Variants in STAT3 observed in about 807,000 individuals in gnomAD.
STAT3 encodes the protein signal transducer and activator of transcription 3.
STAT3 carries 7 observed loss-of-function variants against 114.3 expected under a neutral mutation model. The ratio of observed to expected loss-of-function variants is 0.06; its 90% CI spans 0.03 to 0.11. The LOEUF is 0.11. Among genes scored for constraint, STAT3 ranks in the 10% least tolerant of loss-of-function variants. STAT3 has a pLI of 1.00. For missense variants in STAT3, 364 were observed against 960.9 expected (o/e 0.38, Z 8.21); for synonymous variants, 331 against 354.5 (o/e 0.93, Z 0.74).
chr17:42,340,828 G>T (rs909625441), intron 4 of STAT3, among the ~76,000 whole-genome samples: 1 of 152,100 alleles, frequency 6.6e-6, no homozygotes, highest in African/African-American at 2.4e-5. Flanking sequence ...ACCTAAGCTG[G>T]TGCCTCCCTC....
At chr17:42,370,312 C>T (rs1277181447) in intron 1 of STAT3, among the ~76,000 whole-genome samples, 1 of 150,808 alleles carries the variant, frequency 6.6e-6, no homozygotes, top group African/African-American at 2.4e-5. Context: ...GTGGCATGAT[C>T]TCGGCTCACT....
chr17:42,323,801 C>G (rs1567708943), intron 17 of STAT3, among the ~76,000 whole-genome samples, 176 bp from the exon 18 acceptor site: 1 of 152,190 alleles, frequency 6.6e-6, no homozygotes, highest in Non-Finnish European at 1.5e-5. Flanking sequence ...ACTATCCCAT[C>G]ATTTGACTCA....
At chr17:42,380,546 G>A (rs1466098801) in intron 1 of STAT3, among the ~76,000 whole-genome samples, 1 of 151,136 alleles carries the variant, frequency 6.6e-6, no homozygotes, top group Non-Finnish European at 1.5e-5. Flanking sequence ...CACCACAACT[G>A]GCTAATTTTT....
chr17:42,327,235 T>C (rs916453596), intron 14 of STAT3, among the ~76,000 whole-genome samples: 1 of 152,208 alleles, frequency 6.6e-6, no homozygotes, highest in Non-Finnish European at 1.5e-5. Context: ...ACTGCTATTT[T>C]GTCTTTTGGG....
intron 21 of STAT3, among the ~76,000 whole-genome samples, chr17:42,319,541 C>CAAAAA (rs552897255): frequency 4.6e-5 from 2 of 43,846 alleles, no homozygotes; most frequent in Admixed American, 3.2e-4. Context: ...GACTCAGGCT[C>CAAAAA]AAAAAAAAAA....
At chr17:42,384,283 A>C (rs1024225988) in intron 1 of STAT3, among the ~76,000 whole-genome samples, 3 of 150,890 alleles carry the variant, frequency 2.0e-5, no homozygotes, top group Admixed American at 2.0e-4. Flanking sequence ...CGCCCGCCAC[A>C]ACGCCCGGCT....
At chr17:42,336,300 T>G (rs1235692143) in intron 8 of STAT3, among the ~76,000 whole-genome samples, 1 of 151,986 alleles carries the variant, frequency 6.6e-6, no homozygotes, top group Non-Finnish European at 1.5e-5. Flanking sequence ...GAAAAGCATA[T>G]AAAGGAAGAT....
intron 1 of STAT3, among the ~76,000 whole-genome samples, chr17:42,356,283 A>G (rs2083221374): frequency 6.6e-6 from 1 of 152,020 alleles, no homozygotes; most frequent in Non-Finnish European, 1.5e-5. Flanking sequence ...ATATCCCACC[A>G]TCCCACTATG....
At chr17:42,351,235 A>G (rs1381334646) in intron 1 of STAT3, among the ~76,000 whole-genome samples, 1 of 152,098 alleles carries the variant, frequency 6.6e-6, no homozygotes, top group Non-Finnish European at 1.5e-5. Context: ...ATGAACATAC[A>G]AAACATATTA....
chr17:42,375,879 G>A (rs572904120), intron 1 of STAT3, among the ~76,000 whole-genome samples: 1 of 151,470 alleles, frequency 6.6e-6, no homozygotes, highest in East Asian at 2.0e-4. Context: ...AGAGCCGGGC[G>A]CAATGGCTCA....
At chr17:42,383,429 C>A (rs1383157360) in intron 1 of STAT3, among the ~76,000 whole-genome samples, 1 of 151,590 alleles carries the variant, frequency 6.6e-6, no homozygotes, top group Non-Finnish European at 1.5e-5. Context: ...TCTTGAACTC[C>A]TGGGCTCAAG....
chr17:42,330,391 CAGGCGTG>C (rs1420292975), intron 11 of STAT3, among the ~76,000 whole-genome samples: 3 of 151,418 alleles, frequency 2.0e-5, no homozygotes, highest in South Asian at 2.1e-4. Flanking sequence ...GCTGAGATTA[CAGGCGTG>C]AGCCACCGCG....
chr17:42,376,852 A>G (rs2084499928), intron 1 of STAT3, among the ~76,000 whole-genome samples: 1 of 152,046 alleles, frequency 6.6e-6, no homozygotes. Flanking sequence ...TCTCAAAAAA[A>G]AAAAATTGGC....
intron 4 of STAT3, among the ~76,000 whole-genome samples, chr17:42,341,220 C>G (rs2082431838): frequency 6.6e-6 from 1 of 152,222 alleles, no homozygotes; most frequent in Admixed American, 6.5e-5. Context: ...TCGTAAAAAA[C>G]TGTATTGGCT....
At chr17:42,320,684 G>A (rs1374291430) in intron 21 of STAT3, among the ~76,000 whole-genome samples, 1 of 148,954 alleles carries the variant, frequency 6.7e-6, no homozygotes, top group East Asian at 2.0e-4. Context: ...AGCCGAGATG[G>A]TGCCACTGCA....
chr17:42,370,564 A>G (rs1464612793), intron 1 of STAT3, among the ~76,000 whole-genome samples: 1 of 145,438 alleles, frequency 6.9e-6, no homozygotes, highest in African/African-American at 2.5e-5. Context: ...GCGCCCAGCC[A>G]TCTTCTCATT....
At chr17:42,338,481 GGACCTGAGGGAATACTCCTT>G (rs1567722610) in intron 6 of STAT3, among the ~76,000 whole-genome samples, 2,496 of 27,200 alleles carry the variant, frequency 0.092, 237 homozygotes, top group Middle Eastern at 0.15. Flanking sequence ...GAATACTCCT[GGACCTGAGGGAATACTCCTT>G]GACCTGAGGG....
chr17:42,381,244 A>G (rs1490934924), intron 1 of STAT3, among the ~76,000 whole-genome samples: 1 of 152,230 alleles, frequency 6.6e-6, no homozygotes, highest in Non-Finnish European at 1.5e-5. Context: ...CACCTTAGGA[A>G]TACTCAAAAT....
In STAT3 at chr17:42,315,504, T is replaced by C. The variant is rs570130402; in HGVS notation, c.*241A>G. On this transcript the variant is annotated 3_prime_UTR_variant, in exon 24 of 24. Transcript: ENST00000264657. ...CACCCCCCGCCACATCCCCTGATCA[T>C]GGGTCTCAGAGAACACATCCTTATT... is the stretch of plus-strand genomic sequence containing the variant. 1.3e-5 allele frequency: 8 copies of C among 602,582 alleles called. No individual in the cohort carries two copies. The highest frequency in any genetic ancestry group is 1.1e-4 in the Admixed American group (4 of 35,786). The allele number at this position is 602,582 out of a possible 1,614,324, so 37.3% of individuals were successfully genotyped here. A position where few individuals can be genotyped will look rare whatever the true frequency, so the allele number is the denominator to read the frequency against.
Sources: gnomAD v4.1 joint callset for allele counts (sites outside exome capture counted in the v4.1 genomes callset) on GRCh38, gnomAD v4.1.1 for gene constraint, MANE v1.5 for transcripts, NCBI Gene and HGNC (gene_info 2026-07-23, HGNC 2026-07-21) for gene names.